Variants in SH3TC1 observed in about 807,000 individuals in gnomAD.
The protein encoded by SH3TC1 is SH3 domain and tetratricopeptide repeat-containing protein 1.
A neutral mutation model predicts 117.3 loss-of-function variants in SH3TC1; 135 were observed. The observed-to-expected ratio is 1.15, with a 90% CI of 1.00 to 1.33. The LOEUF is 1.33. Ranked by LOEUF, SH3TC1 falls within the 40% of genes most tolerant of loss-of-function variation. The pLI is 0.00. For missense variants in SH3TC1, 2,092 were observed against 1,794.3 expected (o/e 1.17, Z -3.00); for synonymous variants, 898 against 816.9 (o/e 1.10, Z -1.69).
In SH3TC1 at chr4:8,228,227, C is replaced by G. The variant is rs1281783329; in HGVS notation, c.2533C>G (p.Leu845Val). The G allele has an allele frequency of 6.2e-7, 1 of 1,609,420 alleles. No homozygotes were observed. The highest frequency in any genetic ancestry group is 2.2e-5 in the East Asian group (1 of 44,796). Residue 845 changes from leucine (L) to valine (V), a missense_variant, in exon 12 of 18, where the codon CTG becomes GTG. Transcript: ENST00000245105. ...HVLHGQSPVA[L>V]DILQSVRDAV... Reference sequence around the variant, plus strand: ...GCTTCATGGGCAGAGCCCGGTGGCCCTGGACATCCTGCAGTCTGTCCGGGA... The same window carrying G: ...GCTTCATGGGCAGAGCCCGGTGGCCGTGGACATCCTGCAGTCTGTCCGGGA...
intron 2 of SH3TC1, among the ~76,000 whole-genome samples, chr4:8,207,788 C>A (rs148655851): frequency 6.6e-6 from 1 of 152,244 alleles, no homozygotes; most frequent in Non-Finnish European, 1.5e-5. Flanking sequence ...GCTTATCTTG[C>A]ACTTTCCCTG....
At chr4:8,182,469 G>A (rs974851656) in intron 1 of SH3TC1, among the ~76,000 whole-genome samples, 3 of 152,314 alleles carry the variant, frequency 2.0e-5, no homozygotes, top group South Asian at 2.1e-4. Flanking sequence ...GATGGGTGGA[G>A]CTGGATGCTG....
Position 8,218,269 on chromosome 4 carries a change from A to G in SH3TC1, c.840-2A>G. 6.2e-7 allele frequency: 1 copy of G among 1,609,472 alleles called. No individual in the cohort carries two copies. Among genetic ancestry groups the G allele is most frequent in the Non-Finnish European group, 8.5e-7 (1 of 1,176,412 alleles). On this transcript the variant is annotated splice_acceptor_variant, in intron 7 of 17. Transcript: ENST00000245105. LOFTEE classifies it high-confidence loss of function. ...GCAAAGACCTCCCTCTTCCGGCTCC[A>G]GGTGGGCTCTTAGGATCCCCCAGGA...
At chr4:8,232,503 T>TCACTCC in intron 13 of SH3TC1, 1 of 1,400,258 alleles carries the variant, frequency 7.1e-7, no homozygotes, top group South Asian at 1.1e-5. Context: ...CCCCGAGTCT[T>TCACTCC]CACTCCTGGC....
At position 8,210,016 on chromosome 4, in the gene SH3TC1, C is replaced by T. The variant is rs1718517465; in HGVS notation, c.247+194C>T. 6.6e-6 allele frequency among the ~76,000 whole-genome samples: 1 copy of T among 152,150 alleles called. No individual in the cohort carries two copies. The highest frequency in any genetic ancestry group is 1.5e-5 in the Non-Finnish European group (1 of 68,002). On this transcript the variant is annotated intron_variant, in intron 3 of 17. Coordinates refer to ENST00000245105, the MANE Select transcript of SH3TC1 (RefSeq NM_018986.5). This position sits in a 1 kb window ranked among gnomAD's most constrained non-coding sequence, Gnocchi z 4.1. ...TCCTGCACCCAGAGGGGGACATGGC[C>T]CCTGGGGCTCCCCTAGGCATCCCTG...
chr4:8,202,927 T>G (rs1284814720), intron 1 of SH3TC1, among the ~76,000 whole-genome samples: 1 of 152,218 alleles, frequency 6.6e-6, no homozygotes, highest in Non-Finnish European at 1.5e-5. Flanking sequence ...CTCCCGCCCC[T>G]GCTCTGCTGA....
At chr4:8,197,769 G>A (rs989030189), upstream of SH3TC1, among the ~76,000 whole-genome samples, 2 of 152,370 alleles carry the variant, frequency 1.3e-5, no homozygotes, top group Non-Finnish European at 2.9e-5. Context: ...CCGATCCCGG[G>A]CCCTGGCCTC....
In SH3TC1 at chr4:8,227,495, G is replaced by A. The variant is rs780269454; in HGVS notation, c.1801G>A (p.Val601Met). ...EGSFGDLFLV[V>M]AVYANLASIY... ...CAGCTTCGGGGACCTGTTCCTAGTG[G>A]TGGCTGTGTACGCCAACCTGGCCAG... is the stretch of plus-strand genomic sequence containing the variant. The change falls in exon 12 of 18, where the codon GTG (valine) becomes ATG (methionine). Residue 601 changes from valine (V) to methionine (M), a missense_variant. Val to Met is a conservative substitution (Grantham distance 21, BLOSUM62 1). Coordinates refer to ENST00000245105, the MANE Select transcript of SH3TC1 (RefSeq NM_018986.5). 1.9e-6 allele frequency: 3 copies of A among 1,560,122 alleles called. No individual in the cohort carries two copies. Among genetic ancestry groups the A allele is most frequent in the Non-Finnish European group, 2.6e-6 (3 of 1,158,560 alleles).
chr4:8,217,186 T>C lies in SH3TC1; in HGVS notation c.839+19T>C, dbSNP rs1561694368. ...TTCATCAGTAGGTACCGGCCTTTGC[T>C]GCTCTGAGAGCTGTTGGCCTCGCTG... On this transcript the variant is annotated intron_variant, in intron 7 of 17. Coordinates refer to ENST00000245105, the MANE Select transcript of SH3TC1 (RefSeq NM_018986.5). 1.3e-6 allele frequency: 2 copies of C among 1,583,634 alleles called. No individual in the cohort carries two copies. The highest frequency in any genetic ancestry group is 4.6e-5 in the East Asian group (2 of 43,044).
intron 3 of SH3TC1, among the ~76,000 whole-genome samples, chr4:8,212,356 G>A (rs973121819): frequency 9.2e-5 from 14 of 152,216 alleles, no homozygotes; most frequent in Middle Eastern, 3.4e-3. Flanking sequence ...GAGCGCTGAG[G>A]GGAGGGGTTG....
chr4:8,198,433 G>A (rs937542702), upstream of SH3TC1, among the ~76,000 whole-genome samples: 27 of 152,318 alleles, frequency 1.8e-4, no homozygotes, highest in African/African-American at 5.5e-4. Context: ...CACCCACCAC[G>A]TGGGTGCTCA....
rs757347636 is a variant in SH3TC1, at chr4:8,236,439, T to C, written c.3556+11T>C. 1.4e-6 allele frequency: 2 copies of C among 1,439,810 alleles called. No homozygotes were observed. The highest frequency in any genetic ancestry group is 1.4e-5 in the South Asian group (1 of 70,172). The allele number at this position is 1,439,810 out of a possible 1,614,324, so 89.2% of individuals were successfully genotyped here. On this transcript the variant is annotated intron_variant, in intron 16 of 17. Transcript: ENST00000245105. Reference sequence around the variant, plus strand: ...TCAGCATCACCCTGGGTAAGCCCCCTGAGCCCCTGCCCTGCCAGGACCCAC... The same window carrying C: ...TCAGCATCACCCTGGGTAAGCCCCCCGAGCCCCTGCCCTGCCAGGACCCAC...
Position 8,240,916 on chromosome 4 carries a change from C to A in SH3TC1, c.3972C>A (p.Cys1324Ter), listed in dbSNP as rs760177080. 6.2e-7 allele frequency: 1 copy of A among 1,612,444 alleles called. No homozygotes were observed. Among genetic ancestry groups the A allele is most frequent in the Non-Finnish European group, 8.5e-7 (1 of 1,180,004 alleles). ...TCAACCTGCCTCCTCTGCCACTCTG[C>A]GGGTGGGCCCCCTGGTTGGCCCCCA... ...RRVNLPPLPLCGWAPWLAPSH... is the reference protein window; with the variant it reads ...RRVNLPPLPL Residue 1324 changes from cysteine (C) to a stop codon, truncating the protein, a stop_gained, in exon 18 of 18, where the codon TGC (cysteine) becomes TGA (stop). Coordinates refer to ENST00000245105, the MANE Select transcript of SH3TC1 (RefSeq NM_018986.5). LOFTEE classifies it low-confidence loss of function (END_TRUNC).
At chr4:8,207,077 CAAAAAA>C (rs34956323) in intron 2 of SH3TC1, among the ~76,000 whole-genome samples, 12 of 138,650 alleles carry the variant, frequency 8.7e-5, no homozygotes, top group South Asian at 4.7e-4. Flanking sequence ...TCCTTTATAG[CAAAAAA>C]AAAAAAAAAA....
chr4:8,222,594 G>A (rs926179216), intron 9 of SH3TC1, among the ~76,000 whole-genome samples: 5 of 151,784 alleles, frequency 3.3e-5, no homozygotes, highest in Non-Finnish European at 7.4e-5. Context: ...GGCTGGTCTT[G>A]AACCCTTGAC....
At chr4:8,224,944 G>T in intron 10 of SH3TC1, 1 of 529,806 alleles carries the variant, frequency 1.9e-6, no homozygotes, top group Admixed American at 3.3e-5. Flanking sequence ...TCTCCCTCAG[G>T]TGTCAGCAGT....
intron 17 of SH3TC1, among the ~76,000 whole-genome samples, chr4:8,237,943 C>G (rs1721972823): frequency 6.6e-6 from 1 of 152,142 alleles, no homozygotes; most frequent in Non-Finnish European, 1.5e-5. Flanking sequence ...GGATTGTAGT[C>G]AGGGGGGCCC....
chr4:8,237,966 G>C (rs75006624), intron 17 of SH3TC1, among the ~76,000 whole-genome samples: 1 of 152,134 alleles, frequency 6.6e-6, no homozygotes, highest in African/African-American at 2.4e-5. Flanking sequence ...CTGGAGAAGG[G>C]GACACCAAAG....
At position 8,183,074 on chromosome 4, in the gene SH3TC1, C is replaced by G. The variant is rs1334157813; in HGVS notation, c.-57+864C>G. On this transcript the variant is annotated intron_variant, in intron 1 of 16. Transcript: ENST00000508641. This position sits in a 1 kb window ranked among gnomAD's most constrained non-coding sequence, Gnocchi z 5.4. ...CCTGGGGGTGAGGGGGATCCATGGC[C>G]CCTGGCAAGGGGTGGGGCCTCTGTG... Among the ~76,000 whole-genome samples the G allele has an allele frequency of 6.6e-6, 1 of 152,104 alleles. No individual in the cohort carries two copies.
Sources: gnomAD v4.1 joint callset for allele counts (sites outside exome capture counted in the v4.1 genomes callset) on GRCh38, gnomAD v4.1.1 for gene constraint, Gnocchi (gnomAD v3.1) non-coding constraint, MANE v1.5 for transcripts, NCBI Gene and HGNC (gene_info 2026-07-23, HGNC 2026-07-21) for gene names.